Variants in TBC1D19 observed in about 807,000 individuals in gnomAD.
TBC1D19 encodes TBC1 domain family, member 19.
TBC1D19 carries 60 observed loss-of-function variants against 89.0 expected under a neutral mutation model. That is an observed-to-expected ratio of 0.67 (90% CI 0.55 to 0.84). The LOEUF is 0.84. Among genes scored for constraint, TBC1D19 ranks in the 40% least tolerant of loss-of-function variants. The probability of loss-of-function intolerance (pLI) is 0.00; values close to 1 mark genes in which losing one functional copy is unlikely to be tolerated. For synonymous variants in TBC1D19, 189 were observed against 199.7 expected, an observed-to-expected ratio of 0.95 and a Z score of 0.45; for missense variants, 500 against 610.8, an observed-to-expected ratio of 0.82 and a Z score of 1.91.
chr4:26,584,399 C>A, intron 1 of TBC1D19, 107 bp downstream of exon 1: 1 of 967,888 alleles, frequency 1.0e-6, no homozygotes, highest in Non-Finnish European at 1.5e-6. Context: ...TCTCCAGCTC[C>A]GCTCTGGTGC....
intron 13 of TBC1D19, among the ~76,000 whole-genome samples, chr4:26,701,434 C>G (rs181250931): frequency 1.3e-5 from 2 of 152,060 alleles, no homozygotes; most frequent in Non-Finnish European, 2.9e-5. Context: ...TTATAATTGT[C>G]TCTCCCGGGT....
chr4:26,694,473 G>A (rs1714590029), intron 13 of TBC1D19, among the ~76,000 whole-genome samples: 1 of 152,188 alleles, frequency 6.6e-6, no homozygotes, highest in African/African-American at 2.4e-5. Context: ...TCTGGGGGCC[G>A]GGCATAGCCG....
chr4:26,850,553 AAAAAAAAAAGAAG>A, the TBC1D19 span, among the ~76,000 whole-genome samples: 1 of 150,614 alleles, frequency 6.6e-6, no homozygotes, highest in South Asian at 2.1e-4. Context: ...AAAAAAAAAA[AAAAAAAAAAGAAG>A]AAGAAGAAAG....
At chr4:26,754,217 C>A (rs553944381) in intron 20 of TBC1D19, 27 of 213,744 alleles carry the variant, frequency 1.3e-4, no homozygotes, top group Non-Finnish European at 2.3e-4. Context: ...GCATTATTTT[C>A]ACAGAAGAAA....
chr4:26,738,643 CTATATA>C (rs752326831), intron 16 of TBC1D19, among the ~76,000 whole-genome samples: 1 of 151,472 alleles, frequency 6.6e-6, no homozygotes, highest in Non-Finnish European at 1.5e-5. Flanking sequence ...ATACATTTTT[CTATATA>C]TATACAAGTA....
At chr4:26,798,903 G>C in the TBC1D19 span, among the ~76,000 whole-genome samples, 5 of 151,784 alleles carry the variant, frequency 3.3e-5, no homozygotes, top group East Asian at 7.7e-4. Context: ...GGGGGATGAG[G>C]GTTGAAAAAA....
At chr4:26,785,839 T>C in the TBC1D19 span, among the ~76,000 whole-genome samples, 3 of 152,148 alleles carry the variant, frequency 2.0e-5, no homozygotes, top group Admixed American at 1.3e-4. Context: ...TTTAGGAACT[T>C]TTTAGAAATA....
the TBC1D19 span, among the ~76,000 whole-genome samples, chr4:26,778,876 A>C: frequency 6.6e-6 from 1 of 152,146 alleles, no homozygotes; most frequent in Non-Finnish European, 1.5e-5. Context: ...ATAATTCTCA[A>C]ATTTTATGGC....
At chr4:26,819,476 A>T in the TBC1D19 span, among the ~76,000 whole-genome samples, 1 of 152,212 alleles carries the variant, frequency 6.6e-6, no homozygotes, top group East Asian at 1.9e-4. Flanking sequence ...TGGATCCAGC[A>T]TCTTGTCATT....
At chr4:26,790,154 C>T in the TBC1D19 span, among the ~76,000 whole-genome samples, 2 of 152,268 alleles carry the variant, frequency 1.3e-5, no homozygotes, top group East Asian at 3.9e-4. Context: ...TGTAACAAAA[C>T]TGCACCTGTA....
chr4:26,786,753 C>CTGCA, the TBC1D19 span, among the ~76,000 whole-genome samples: 1 of 85,682 alleles, frequency 1.2e-5, no homozygotes, highest in Non-Finnish European at 2.7e-5. Context: ...GGGTGGATGC[C>CTGCA]TGGATGGATG....
At chr4:26,729,361 TG>T (rs1717516150) in intron 15 of TBC1D19, among the ~76,000 whole-genome samples, 1 of 152,240 alleles carries the variant, frequency 6.6e-6, no homozygotes, top group South Asian at 2.1e-4. Context: ...ACTATGTACG[TG>T]GCACCATGAG....
exon 1 of TBC1D19, chr4:26,576,764 A>AG: frequency 2.2e-6 from 1 of 456,220 alleles, no homozygotes; most frequent in Non-Finnish European, 4.4e-6. Context: ...AGATGAAGAG[A>AG]GGGGCCACAG....
At chr4:26,581,361 G>A (rs1577737706), upstream of TBC1D19, among the ~76,000 whole-genome samples, 1 of 152,064 alleles carries the variant, frequency 6.6e-6, no homozygotes, top group Non-Finnish European at 1.5e-5. Flanking sequence ...TTGTCCTAAC[G>A]CTCTCCCTTC....
the TBC1D19 span, among the ~76,000 whole-genome samples, chr4:26,839,579 C>CA: frequency 1.3e-5 from 2 of 151,826 alleles, no homozygotes; most frequent in Non-Finnish European, 2.9e-5. Flanking sequence ...ATCACCCCCC[C>CA]GCCCTTTCTG....
intron 13 of TBC1D19, among the ~76,000 whole-genome samples, chr4:26,716,260 C>T (rs1385199690): frequency 6.6e-6 from 1 of 152,012 alleles, no homozygotes; most frequent in Non-Finnish European, 1.5e-5. Flanking sequence ...AATTAGTGAA[C>T]TGACTAAAAA....
chr4:26,792,489 C>G, the TBC1D19 span, among the ~76,000 whole-genome samples: 1 of 152,126 alleles, frequency 6.6e-6, no homozygotes, highest in African/African-American at 2.4e-5. Flanking sequence ...ATAAAGGAAT[C>G]TGATGAAACA....
chr4:26,678,568 G>A (rs1055581331), intron 11 of TBC1D19, among the ~76,000 whole-genome samples: 2 of 151,692 alleles, frequency 1.3e-5, no homozygotes, highest in African/African-American at 4.8e-5. Context: ...GACAAATGGA[G>A]TGAGGAAAAA....
chr4:26,654,519 C>T, intron 7 of TBC1D19, among the ~76,000 whole-genome samples: 1 of 152,204 alleles, frequency 6.6e-6, no homozygotes, highest in African/African-American at 2.4e-5. Flanking sequence ...ACCAGTCAGA[C>T]ACAGATTTGG....
Sources: gnomAD v4.1 joint callset for allele counts (sites outside exome capture counted in the v4.1 genomes callset) on GRCh38, gnomAD v4.1.1 for gene constraint, MANE v1.5 for transcripts, NCBI Gene and HGNC (gene_info 2026-07-23, HGNC 2026-07-21) for gene names.